ME1: variants seen among roughly 807,000 people sequenced by gnomAD.
ME1 encodes NADP-dependent malic enzyme.
ME1 carries 74 observed loss-of-function variants against 66.4 expected under a neutral mutation model. The ratio of observed to expected loss-of-function variants is 1.11; its 90% CI spans 0.92 to 1.35. The LOEUF (loss-of-function observed/expected upper bound fraction) is 1.35, where lower values mean the gene tolerates loss of function less well. ME1 is among the 40% of genes most tolerant of loss of function. The pLI is 0.00. For synonymous variants in ME1, 251 were observed against 235.6 expected (o/e 1.07, Z -0.60); for missense variants, 750 against 694.1 (o/e 1.08, Z -0.90).
chr6:83,346,251 C>T lies in ME1; in HGVS notation c.522G>A (p.Leu174=), dbSNP rs1315834357. ...CNGMGIPVGK[L]ALYTACGGMN... ...TCCCTCCGCAAGCTGTATATAGAGC[C>T]AATTTACCCACAGGGATGCCCATTC... The change falls in exon 5 of 14, where the codon TTG becomes TTA. Residue 174 remains leucine (L), a synonymous_variant. Transcript: ENST00000369705. 3.7e-6 allele frequency: 6 copies of T among 1,613,486 alleles called. No individual in the cohort carries two copies. Among genetic ancestry groups the T allele is most frequent in the Non-Finnish European group, 5.1e-6 (6 of 1,179,616 alleles).
intron 5 of ME1, among the ~76,000 whole-genome samples, chr6:83,333,950 A>G (rs1583387399): frequency 6.8e-6 from 1 of 147,690 alleles, no homozygotes; most frequent in Admixed American, 6.8e-5. Context: ...ACTCCAAGTC[A>G]GGGGGGGAGG....
intron 3 of ME1, among the ~76,000 whole-genome samples, chr6:83,392,109 C>G (rs148297559): frequency 1.8e-3 from 269 of 152,340 alleles, no homozygotes; most frequent in Non-Finnish European, 3.1e-3. Context: ...TGTTGCAGCT[C>G]TCTGCTCCTC....
At chr6:83,311,277 T>C (rs375139487) in intron 6 of ME1, among the ~76,000 whole-genome samples, 5 of 152,244 alleles carry the variant, frequency 3.3e-5, no homozygotes, top group Admixed American at 6.5e-5. Flanking sequence ...GGAGAATACA[T>C]GTAGAATTAA....
intron 3 of ME1, among the ~76,000 whole-genome samples, chr6:83,365,389 T>A (rs1161092031): frequency 2.6e-5 from 4 of 152,144 alleles, no homozygotes; most frequent in Admixed American, 2.6e-4. Flanking sequence ...CCACTGTGCC[T>A]GGCCCTATGT....
rs1770481123 is a variant in ME1 at position 83,431,035 on chromosome 6, CGGTGCTGACTG to C, written c.-92_-82del. The C allele has an allele frequency of 4.7e-6, 4 of 855,550 alleles. No homozygotes were observed. The South Asian group carries it at 8.9e-5, about 19-fold the overall frequency. 53.0% of individuals were successfully genotyped at this position (855,550 alleles called of 1,614,324 possible). On this transcript the variant is annotated 5_prime_UTR_variant, in exon 1 of 14. Transcript: ENST00000369705. ...CAGGCGGCGGATGCTGCTGGGGTGA[CGGTGCTGACTG>C]CAGCTGTGGCGGCGGCGGCCGCACT...
intron 5 of ME1, among the ~76,000 whole-genome samples, chr6:83,333,635 T>C (rs1443897954): frequency 2.0e-5 from 3 of 152,128 alleles, no homozygotes; most frequent in African/African-American, 7.2e-5. Context: ...ATGGAGAAAG[T>C]AATATGTTGG....
intron 3 of ME1, among the ~76,000 whole-genome samples, chr6:83,366,900 T>C (rs1769110517): frequency 6.6e-6 from 1 of 152,230 alleles, no homozygotes; most frequent in Non-Finnish European, 1.5e-5. Context: ...CCATCTAGAC[T>C]AGTGAATCCT....
chr6:83,350,080 T>C (rs1224945021), intron 4 of ME1, among the ~76,000 whole-genome samples: 1 of 152,220 alleles, frequency 6.6e-6, no homozygotes, highest in African/African-American at 2.4e-5. Flanking sequence ...ATTTTGATTA[T>C]ATTTTGCTTA....
chr6:83,370,330 T>TG (rs1324836469), intron 3 of ME1, among the ~76,000 whole-genome samples: 1 of 152,166 alleles, frequency 6.6e-6, no homozygotes, highest in South Asian at 2.1e-4. Context: ...TTACTTACAC[T>TG]GTGTTCAATC....
At chr6:83,322,803 G>A (rs1768203491) in intron 5 of ME1, among the ~76,000 whole-genome samples, 1 of 152,092 alleles carries the variant, frequency 6.6e-6, no homozygotes, top group African/African-American at 2.4e-5. Context: ...GAAATACAGA[G>A]AACACCACAA....
At position 83,228,875 on chromosome 6, in the gene ME1, C is replaced by T. The variant is rs1194226781; in HGVS notation, c.1083G>A (p.Met361Ile). 1 of 1,613,452 alleles carries T rather than the reference C, an allele frequency of 6.2e-7. No homozygotes were observed. The highest frequency in any genetic ancestry group is 8.5e-7 in the Non-Finnish European group (1 of 1,179,814). Residue 361 changes from methionine to isoleucine, a missense_variant, in exon 10 of 14, where the codon ATG (methionine) becomes ATA (isoleucine). Transcript: ENST00000369705. Reference protein sequence around the residue: ...KEKFAHEHEEMKNLEAIVQEI... With the variant: ...KEKFAHEHEEIKNLEAIVQEI... ...CTTGAACAATGGCTTCTAGGTTCTTCATTTCTTCATGTTCATGGGCAAACT... is the reference window on the plus strand; with the variant it reads ...CTTGAACAATGGCTTCTAGGTTCTTTATTTCTTCATGTTCATGGGCAAACT...
At chr6:83,373,217 C>G (rs1045479630) in intron 3 of ME1, among the ~76,000 whole-genome samples, 4 of 150,724 alleles carry the variant, frequency 2.7e-5, no homozygotes, top group African/African-American at 9.8e-5. Flanking sequence ...ACCACCAAAC[C>G]AAGCATTTTT....
intron 5 of ME1, among the ~76,000 whole-genome samples, chr6:83,344,578 T>C (rs1254835524): frequency 1.3e-5 from 2 of 151,860 alleles, no homozygotes; most frequent in East Asian, 3.9e-4. Flanking sequence ...AGTGAGACCC[T>C]GTCTTAAAGA....
chr6:83,228,643 C>A (rs574168840), intron 10 of ME1, among the ~76,000 whole-genome samples, 183 bp downstream of exon 10: 1 of 152,240 alleles, frequency 6.6e-6, no homozygotes, highest in South Asian at 2.1e-4. Context: ...CATCTCAGAT[C>A]AGTAAGAGAA....
intron 3 of ME1, among the ~76,000 whole-genome samples, chr6:83,382,364 A>T (rs1018820422): frequency 4.6e-5 from 7 of 152,150 alleles, no homozygotes; most frequent in African/African-American, 1.4e-4. Flanking sequence ...AAGCATAGTC[A>T]ATAATTTAAA....
chr6:83,354,167 C>T (rs1768846200), intron 3 of ME1, among the ~76,000 whole-genome samples: 1 of 152,152 alleles, frequency 6.6e-6, no homozygotes, highest in Non-Finnish European at 1.5e-5. Flanking sequence ...CGCTCTGTCA[C>T]CCAGGTTGGA....
intron 3 of ME1, among the ~76,000 whole-genome samples, chr6:83,396,939 A>T (rs912944398): frequency 2.6e-5 from 4 of 152,214 alleles, no homozygotes; most frequent in Non-Finnish European, 5.9e-5. Context: ...TCCAAATGCC[A>T]GAAGAATGAA....
chr6:83,315,216 A>G, intron 6 of ME1, 94 bp downstream of exon 6: 1 of 724,554 alleles, frequency 1.4e-6, no homozygotes, highest in Non-Finnish European at 2.4e-6. Flanking sequence ...AATTACTTCT[A>G]ATTATTAAAC....
intron 6 of ME1, among the ~76,000 whole-genome samples, chr6:83,262,013 C>CAAAAAA (rs374491049): frequency 7.8e-5 from 6 of 77,208 alleles, no homozygotes; most frequent in East Asian, 4.1e-4. Flanking sequence ...GAATCCATCT[C>CAAAAAA]AAAAAAAAAA....
Sources: allele counts gnomAD v4.1 joint callset (sites outside exome capture counted in the v4.1 genomes callset), GRCh38; gene constraint gnomAD v4.1.1; transcripts MANE v1.5; gene names NCBI Gene and HGNC (gene_info 2026-07-23, HGNC 2026-07-21).